Variants in STK33 observed in about 807,000 individuals in gnomAD.
The protein encoded by STK33 is serine/threonine-protein kinase 33.
Under a neutral mutation model 58.0 loss-of-function variants are expected in STK33, and 52 were observed. The ratio of observed to expected loss-of-function variants is 0.90; its 90% CI spans 0.72 to 1.13. The LOEUF (loss-of-function observed/expected upper bound fraction) is 1.13. Ranked by LOEUF, STK33 falls within the 50% of genes most tolerant of loss-of-function variation. The probability of loss-of-function intolerance (pLI) is 0.00; values close to 1 mark genes in which losing one functional copy is unlikely to be tolerated. For missense variants in STK33, 630 were observed against 604.2 expected, an observed-to-expected ratio of 1.04 and a Z score of -0.45; for synonymous variants, 215 against 200.1, an observed-to-expected ratio of 1.07 and a Z score of -0.63.
In STK33 at chr11:8,401,182, C is replaced by T. The variant is rs965075798; in HGVS notation, c.1345-8472G>A. Among the ~76,000 whole-genome samples the T allele has an allele frequency of 1.2e-3, 175 of 152,100 alleles. 1 individual carries two copies. The highest frequency in any genetic ancestry group is 6.9e-4 in the Non-Finnish European group (47 of 68,014). ...CCAAGTCAATCCTAAGCCAAAAGAA[C>T]AAAGCTGGAGGCATCACGCTACCTG... On this transcript the variant is annotated intron_variant, in intron 15 of 15. Coordinates refer to ENST00000687296, the MANE Select transcript of STK33 (RefSeq NM_001352389.2).
chr11:8,573,986 T>C (rs562213496), intron 1 of STK33, among the ~76,000 whole-genome samples: 122 of 152,300 alleles, frequency 8.0e-4, no homozygotes, highest in African/African-American at 2.8e-3. Context: ...TGTATCTTGA[T>C]TACAGTGATG....
intron 1 of STK33, among the ~76,000 whole-genome samples, chr11:8,502,047 G>A (rs1366546058): frequency 6.9e-6 from 1 of 145,846 alleles, no homozygotes; most frequent in East Asian, 2.0e-4. Flanking sequence ...TAATAGGTAT[G>A]AGGTTTCTTC....
chr11:8,458,026 G>A (rs75600565), intron 8 of STK33, among the ~76,000 whole-genome samples: 2,942 of 152,286 alleles, frequency 0.019, 39 homozygotes, highest in Middle Eastern at 0.041. Flanking sequence ...TGGATATCAT[G>A]ATAAGGAGTA....
chr11:8,412,243 T>C (rs1940382181), intron 15 of STK33, among the ~76,000 whole-genome samples: 1 of 152,060 alleles, frequency 6.6e-6, no homozygotes, highest in Admixed American at 6.6e-5. Context: ...CTATGTTCAA[T>C]AAGAAATGCA....
chr11:8,516,432 G>A (rs555324339), intron 1 of STK33, among the ~76,000 whole-genome samples: 15 of 152,298 alleles, frequency 9.8e-5, no homozygotes, highest in East Asian at 5.8e-4. Flanking sequence ...CAGCGTGAGC[G>A]ACAAAGAAGA....
At chr11:8,354,876 C>T in the STK33 span, among the ~76,000 whole-genome samples, 3 of 152,196 alleles carry the variant, frequency 2.0e-5, no homozygotes, top group East Asian at 1.9e-4. Context: ...GCTGAGCTTC[C>T]GTAATTGGAA....
intron 2 of STK33, among the ~76,000 whole-genome samples, chr11:8,477,966 A>C (rs1949439230): frequency 6.6e-6 from 1 of 152,192 alleles, no homozygotes; most frequent in South Asian, 2.1e-4. Context: ...AGCAATTCTA[A>C]AACAACAGGT....
intron 14 of STK33, among the ~76,000 whole-genome samples, chr11:8,418,126 CCTG>C (rs1445557761): frequency 6.6e-6 from 1 of 151,650 alleles, no homozygotes. Flanking sequence ...TCCAGGGGTA[CCTG>C]AGCAGGTTTC....
intron 1 of STK33, among the ~76,000 whole-genome samples, chr11:8,542,051 C>G (rs1955562477): frequency 1.3e-5 from 2 of 152,098 alleles, no homozygotes; most frequent in African/African-American, 4.8e-5. Flanking sequence ...TGAATAGGAT[C>G]ATTTTTAAAG....
At chr11:8,354,705 T>C in the STK33 span, among the ~76,000 whole-genome samples, 1 of 152,168 alleles carries the variant, frequency 6.6e-6, no homozygotes, top group African/African-American at 2.4e-5. Context: ...GTTTCAAACT[T>C]GCAGGGACAA....
chr11:8,366,223 C>A, the STK33 span, among the ~76,000 whole-genome samples: 1 of 152,198 alleles, frequency 6.6e-6, no homozygotes, highest in South Asian at 2.1e-4. Flanking sequence ...GAGAAGGCAG[C>A]CTCTTGGAGG....
intron 1 of STK33, among the ~76,000 whole-genome samples, chr11:8,564,271 T>C (rs74053288): frequency 0.023 from 3,528 of 152,184 alleles, 148 homozygotes; most frequent in African/African-American, 0.079. Flanking sequence ...CTCTATGAAA[T>C]AGCAAATAGA....
At chr11:8,436,603 C>G (rs1944097604) in intron 12 of STK33, among the ~76,000 whole-genome samples, 1 of 152,144 alleles carries the variant, frequency 6.6e-6, no homozygotes, top group Admixed American at 6.5e-5. Flanking sequence ...TAACTAGTTA[C>G]CAAAGTCTAA....
the STK33 span, among the ~76,000 whole-genome samples, chr11:8,382,992 C>T: frequency 6.6e-6 from 1 of 152,216 alleles, no homozygotes; most frequent in East Asian, 1.9e-4. Flanking sequence ...AATAACCATG[C>T]TTCAGGGACA....
intron 6 of STK33, chr11:8,465,979 T>G (rs1388891216): frequency 6.6e-6 from 1 of 152,118 alleles, no homozygotes; most frequent in Non-Finnish European, 1.5e-5. Context: ...ACACAGAAAC[T>G]CCTGTTTTTA....
chr11:8,405,496 T>C (rs537391635), intron 15 of STK33, among the ~76,000 whole-genome samples: 25 of 150,658 alleles, frequency 1.7e-4, no homozygotes, highest in African/African-American at 2.2e-4. Flanking sequence ...TATATATTTA[T>C]TGCAAATATT....
At chr11:8,592,200 C>T (rs946690870) in intron 1 of STK33, among the ~76,000 whole-genome samples, 2 of 152,084 alleles carry the variant, frequency 1.3e-5, no homozygotes, top group Non-Finnish European at 2.9e-5. Flanking sequence ...AGTAACAACT[C>T]GCCCCAGGCT....
chr11:8,337,632 C>T, the STK33 span, among the ~76,000 whole-genome samples: 9 of 84,326 alleles, frequency 1.1e-4, no homozygotes, highest in African/African-American at 3.6e-4. Flanking sequence ...GGGAGCTTGA[C>T]GACGGCGGGG....
chr11:8,382,070 C>A, the STK33 span, among the ~76,000 whole-genome samples: 1 of 152,166 alleles, frequency 6.6e-6, no homozygotes, highest in South Asian at 2.1e-4. Context: ...CCCCCACCCC[C>A]ACATCCTACG....
Sources: gnomAD v4.1 joint callset for allele counts (sites outside exome capture counted in the v4.1 genomes callset) on GRCh38, gnomAD v4.1.1 for gene constraint, MANE v1.5 for transcripts, NCBI Gene and HGNC (gene_info 2026-07-23, HGNC 2026-07-21) for gene names.